The following RALYL variants were observed in gnomAD, a reference collection of about 807,000 sequenced individuals.
RALYL encodes the protein RNA-binding Raly-like protein.
Under a neutral mutation model 35.1 loss-of-function variants are expected in RALYL, and 29 were observed. The observed-to-expected ratio is 0.83, with a 90% CI of 0.61 to 1.13. RALYL has a LOEUF of 1.13. Among genes scored for constraint, RALYL ranks in the 50% most tolerant of loss-of-function variants. The pLI is 0.00. For missense variants in RALYL, 359 were observed against 360.4 expected (o/e 1.00, Z 0.03); for synonymous variants, 120 against 127.6 (o/e 0.94, Z 0.40).
intron 1 of RALYL, among the ~76,000 whole-genome samples, chr8:84,236,222 C>T (rs947473394): frequency 6.6e-6 from 1 of 152,090 alleles, no homozygotes; most frequent in African/African-American, 2.4e-5. Context: ...AAGATGAGAA[C>T]ACCATATTTA....
intron 1 of RALYL, among the ~76,000 whole-genome samples, chr8:84,491,626 T>C (rs1486707714): frequency 6.6e-6 from 1 of 152,002 alleles, no homozygotes; most frequent in Non-Finnish European, 1.5e-5. Flanking sequence ...TTCCCCTTGC[T>C]TTAACGAAAA....
intron 8 of RALYL, among the ~76,000 whole-genome samples, chr8:84,902,984 C>T (rs551848369): frequency 9.9e-5 from 15 of 151,960 alleles, no homozygotes; most frequent in Admixed American, 4.6e-4. Flanking sequence ...TTTGGGAGTC[C>T]AAAGTAGGAG....
chr8:84,729,505 C>T (rs1214333061), intron 2 of RALYL, among the ~76,000 whole-genome samples: 1 of 151,892 alleles, frequency 6.6e-6, no homozygotes, highest in African/African-American at 2.4e-5. Context: ...CATTCAAAAG[C>T]TAGCAGAAGG....
chr8:84,913,036 G>T (rs200107181), intron 8 of RALYL, among the ~76,000 whole-genome samples: 1 of 100,842 alleles, frequency 9.9e-6, no homozygotes, highest in Non-Finnish European at 2.2e-5. Context: ...GGATGGATAG[G>T]TAGGTAGATA....
intron 2 of RALYL, among the ~76,000 whole-genome samples, chr8:84,538,592 A>G (rs918750616): frequency 2.6e-5 from 4 of 152,200 alleles, no homozygotes; most frequent in African/African-American, 4.8e-5. Flanking sequence ...AACATAAAAT[A>G]TAAAGTAAAA....
intron 2 of RALYL, among the ~76,000 whole-genome samples, chr8:84,617,078 C>G (rs1328427734): frequency 6.6e-6 from 1 of 150,432 alleles, no homozygotes. Flanking sequence ...GATGCAGGCT[C>G]TTTTTTGGTT....
intron 2 of RALYL, among the ~76,000 whole-genome samples, chr8:84,545,082 T>C (rs2060267337): frequency 6.6e-6 from 1 of 152,114 alleles, no homozygotes; most frequent in Non-Finnish European, 1.5e-5. Flanking sequence ...TTATGTCTCT[T>C]ATCCATGTGG....
chr8:84,503,857 C>A (rs2134269037), intron 1 of RALYL, among the ~76,000 whole-genome samples: 1 of 137,170 alleles, frequency 7.3e-6, no homozygotes, highest in African/African-American at 2.7e-5. Flanking sequence ...GAGCAAGACT[C>A]TGTCTCAAAG....
At chr8:84,592,304 A>G (rs900191423) in intron 2 of RALYL, among the ~76,000 whole-genome samples, 1 of 152,158 alleles carries the variant, frequency 6.6e-6, no homozygotes, top group African/African-American at 2.4e-5. Flanking sequence ...TTTTTACTTT[A>G]AAAGTTTTAA....
At chr8:84,864,778 C>T (rs1838842338) in intron 6 of RALYL, 1 of 608,928 alleles carries the variant, frequency 1.6e-6, no homozygotes. Context: ...GCCCCTGGGC[C>T]TGCTCCAAGC....
intron 1 of RALYL, among the ~76,000 whole-genome samples, chr8:84,293,627 T>C (rs1839203517): frequency 6.6e-6 from 1 of 152,188 alleles, no homozygotes; most frequent in Non-Finnish European, 1.5e-5. Context: ...TAGCATAGTC[T>C]TTCTAAATCA....
At chr8:84,607,767 C>T (rs776725182) in intron 2 of RALYL, among the ~76,000 whole-genome samples, 2 of 152,040 alleles carry the variant, frequency 1.3e-5, no homozygotes, top group Admixed American at 6.6e-5. Flanking sequence ...TTAGATCCTC[C>T]GCCCTTCTTG....
intron 1 of RALYL, among the ~76,000 whole-genome samples, chr8:84,322,273 A>G (rs1184595174): frequency 6.6e-6 from 1 of 152,152 alleles, no homozygotes. Context: ...TGCCCATAAC[A>G]GACCAGAACA....
chr8:84,848,854 T>C (rs1437245516), intron 4 of RALYL, among the ~76,000 whole-genome samples: 1 of 152,180 alleles, frequency 6.6e-6, no homozygotes, highest in African/African-American at 2.4e-5. Flanking sequence ...TTTTTTAAAT[T>C]ACTCCCCTGT....
intron 8 of RALYL, among the ~76,000 whole-genome samples, chr8:84,893,696 G>C (rs1003602870): frequency 6.6e-6 from 1 of 152,194 alleles, no homozygotes; most frequent in Non-Finnish European, 1.5e-5. Context: ...TCAAGAAGCA[G>C]CCCTGGAATC....
chr8:84,317,418 T>C (rs1342213080), intron 1 of RALYL, among the ~76,000 whole-genome samples: 3 of 152,154 alleles, frequency 2.0e-5, no homozygotes, highest in African/African-American at 7.2e-5. Flanking sequence ...TTCTGCATGA[T>C]GTCAAGATAG....
intron 1 of RALYL, among the ~76,000 whole-genome samples, chr8:84,245,747 A>T (rs980754206): frequency 2.0e-5 from 3 of 152,120 alleles, no homozygotes; most frequent in Non-Finnish European, 4.4e-5. Context: ...TAGCATGTTT[A>T]AATAATCTGA....
At chr8:84,204,358 G>A (rs1006787474) in intron 1 of RALYL, among the ~76,000 whole-genome samples, 14 of 152,088 alleles carry the variant, frequency 9.2e-5, no homozygotes, top group South Asian at 2.1e-4. Flanking sequence ...ATATTCTGCC[G>A]TTGTCTTAAA....
chr8:84,206,202 A>C (rs573109503), intron 1 of RALYL, among the ~76,000 whole-genome samples: 27 of 152,308 alleles, frequency 1.8e-4, no homozygotes, highest in Non-Finnish European at 3.5e-4. Context: ...TCTTCTAAGC[A>C]CTGTGGGAAA....
Sources: gnomAD v4.1 joint callset for allele counts (sites outside exome capture counted in the v4.1 genomes callset) on GRCh38, gnomAD v4.1.1 for gene constraint, MANE v1.5 for transcripts, NCBI Gene and HGNC (gene_info 2026-07-23, HGNC 2026-07-21) for gene names.